FBXO5: variants seen among roughly 807,000 people sequenced by gnomAD.
FBXO5 encodes the protein F-box only protein 5.
Under a neutral mutation model 43.3 loss-of-function variants are expected in FBXO5, and 8 were observed. The observed-to-expected ratio is 0.18, with a 90% CI of 0.11 to 0.33. The LOEUF is 0.33. Among genes scored for constraint, FBXO5 ranks in the 10% least tolerant of loss-of-function variants. The pLI is 1.00. For synonymous variants in FBXO5, 204 were observed against 193.7 expected, an observed-to-expected ratio of 1.05 and a Z score of -0.44; for missense variants, 491 against 535.7, an observed-to-expected ratio of 0.92 and a Z score of 0.82.
At position 152,982,004 on chromosome 6, in the gene FBXO5, T is replaced by C. The variant is rs146242843; in HGVS notation, c.103+853A>G. ...TGAGTTATCGGGAAAAAGTCACCAA[T>C]TCTTCGATTCTTACAAAATCATCTT... On this transcript the variant is annotated intron_variant, in intron 1 of 4. Coordinates refer to ENST00000229758, the MANE Select transcript of FBXO5 (RefSeq NM_012177.5). Among the ~76,000 whole-genome samples the C allele has an allele frequency of 8.1e-3, 1,234 of 152,348 alleles. 16 individuals carry two copies. The highest frequency in any genetic ancestry group is 0.028 in the African/African-American group (1,177 of 41,566).
At chr6:152,979,017 G>C (rs1463087162) in intron 1 of FBXO5, among the ~76,000 whole-genome samples, 1 of 151,786 alleles carries the variant, frequency 6.6e-6, no homozygotes, top group African/African-American at 2.4e-5. Context: ...GAAAAAAAAA[G>C]GTTTAGTATT....
chr6:152,971,433 C>G lies in FBXO5; in HGVS notation c.1093-19G>C, dbSNP rs761134867. On this transcript the variant is annotated intron_variant, in intron 4 of 4. Transcript: ENST00000229758. ...TGGCAACCTAAAAAGAAAAAAAAAA[C>G]CCATTAACAAATTTCAGCAAGAATT... 1 of 1,535,598 alleles carries G rather than the reference C, an allele frequency of 6.5e-7. No homozygotes were observed. Among genetic ancestry groups the G allele is most frequent in the East Asian group, 2.3e-5 (1 of 44,248 alleles).
chr6:152,975,263 A>G lies in FBXO5; in HGVS notation c.462T>C (p.Ser154=), dbSNP rs929918604. The change falls in exon 2 of 5, where the codon AGT becomes AGC. Residue 154 remains serine (S), a synonymous_variant. Coordinates refer to ENST00000229758, the MANE Select transcript of FBXO5 (RefSeq NM_012177.5). ...DSGYSSFSLQ[S]GLSEHEEGSL... is the part of the protein sequence containing the mutation. ...TACCTTCTTCATGTTCACTGAGGCC[A>G]CTTTGTAGAGAAAATGAGGAATAGC... 6.2e-7 allele frequency: 1 copy of G among 1,614,156 alleles called. No homozygotes were observed. The highest frequency in any genetic ancestry group is 8.5e-7 in the Non-Finnish European group (1 of 1,180,016).
chr6:152,979,135 T>C (rs1254046478), intron 1 of FBXO5, among the ~76,000 whole-genome samples: 1 of 152,248 alleles, frequency 6.6e-6, no homozygotes, highest in Non-Finnish European at 1.5e-5. Context: ...GTAATGCATG[T>C]CACAACAAAT....
chr6:152,981,304 A>G lies in FBXO5; in HGVS notation c.103+1553T>C, dbSNP rs117046673. On this transcript the variant is annotated intron_variant, in intron 1 of 4. Transcript: ENST00000229758. Reference sequence around the variant, plus strand: ...GTTTGATCTTACATTTAACTTTTCAATATAGACCTGATCCTCCATATCAAA... The same window carrying G: ...GTTTGATCTTACATTTAACTTTTCAGTATAGACCTGATCCTCCATATCAAA... Among the ~76,000 whole-genome samples, 705 of 152,346 alleles carry G rather than the reference A, an allele frequency of 4.6e-3. 6 individuals are homozygous for G. The highest frequency in any genetic ancestry group is 6.2e-3 in the Non-Finnish European group (420 of 68,024).
chr6:152,975,501 G>C lies in FBXO5; in HGVS notation c.224C>G (p.Thr75Ser). 1 of 1,613,890 alleles carries C rather than the reference G, an allele frequency of 6.2e-7. No individual in the cohort carries two copies. The highest frequency in any genetic ancestry group is 8.5e-7 in the Non-Finnish European group (1 of 1,179,942). Residue 75 changes from threonine to serine, a missense_variant, in exon 2 of 5, where the codon ACC (threonine) becomes AGC (serine). Coordinates refer to ENST00000229758, the MANE Select transcript of FBXO5 (RefSeq NM_012177.5). ...ACAGGAACCTTCCAAATATGCAGGGGTGTAGGAAACTAGTCTTCCAATGTC... is the reference window on the plus strand; with the variant it reads ...ACAGGAACCTTCCAAATATGCAGGGCTGTAGGAAACTAGTCTTCCAATGTC... Reference protein sequence around the residue: ...PDDIGRLVSYTPAYLEGSCKD... With the variant: ...PDDIGRLVSYSPAYLEGSCKD...
In FBXO5 at chr6:152,971,099, TAAG is replaced by T; in HGVS notation, c.*61_*63del. 6.8e-7 allele frequency: 1 copy of T among 1,480,120 alleles called. No individual in the cohort carries two copies. Among genetic ancestry groups the T allele is most frequent in the African/African-American group, 1.4e-5 (1 of 71,086 alleles). The allele number at this position is 1,480,120 out of a possible 1,614,324, so 91.7% of individuals were successfully genotyped here. ...TTGAAAATCACAATACAATTTTTTTTAAGTTAAAACCTAACATTTTCTAACTAA... is the reference window on the plus strand; with the variant it reads ...TTGAAAATCACAATACAATTTTTTTTTTAAAACCTAACATTTTCTAACTAA... On this transcript the variant is annotated 3_prime_UTR_variant, in exon 5 of 5. Coordinates refer to ENST00000229758, the MANE Select transcript of FBXO5 (RefSeq NM_012177.5).
chr6:152,977,853 G>T (rs1014222109), intron 1 of FBXO5, among the ~76,000 whole-genome samples: 1 of 152,100 alleles, frequency 6.6e-6, no homozygotes, highest in Non-Finnish European at 1.5e-5. Flanking sequence ...GTTACTGGGG[G>T]GTTGTCCTAT....
At chr6:152,981,799 G>A (rs1240320768) in intron 1 of FBXO5, among the ~76,000 whole-genome samples, 2 of 151,804 alleles carry the variant, frequency 1.3e-5, no homozygotes, top group Admixed American at 6.6e-5. Flanking sequence ...TTTAATAATA[G>A]AGTCATTACA....
chr6:152,981,578 G>T (rs1425024909), intron 1 of FBXO5, among the ~76,000 whole-genome samples: 1 of 151,446 alleles, frequency 6.6e-6, no homozygotes, highest in Admixed American at 6.6e-5. Context: ...CCTCAAACCT[G>T]TAAACTGGGG....
upstream of FBXO5, chr6:152,983,154 TG>T (rs983624365): frequency 1.5e-5 from 6 of 404,796 alleles, no homozygotes; most frequent in Non-Finnish European, 2.6e-5. Context: ...GGGCAGTGGG[TG>T]GGGGCGCCCT....
In FBXO5 at chr6:152,970,992, A is replaced by C; in HGVS notation, c.*171T>G. 1 of 485,132 alleles carries C rather than the reference A, an allele frequency of 2.1e-6. No homozygotes were observed. The highest frequency in any genetic ancestry group is 3.5e-6 in the Non-Finnish European group (1 of 289,790). The allele number at this position is 485,132 out of a possible 1,614,324, so 30.1% of individuals were successfully genotyped here. On this transcript the variant is annotated 3_prime_UTR_variant, in exon 5 of 5. Transcript: ENST00000229758. ...TAAACTTTTTCTCATTAAATTGTAA[A>C]AATATTTTAAGAGGTTGTCTATCCT...
intron 1 of FBXO5, 150 bp downstream of exon 1, chr6:152,982,707 A>C (rs1778281672): frequency 4.0e-6 from 2 of 503,358 alleles, no homozygotes; most frequent in African/African-American, 2.0e-5. Flanking sequence ...TCCCGGACCC[A>C]GGAACCGCTG....
intron 1 of FBXO5, among the ~76,000 whole-genome samples, chr6:152,977,611 T>C (rs1778194027): frequency 2.6e-5 from 4 of 152,234 alleles, no homozygotes; most frequent in Admixed American, 1.3e-4. Flanking sequence ...CTGAGTGGTT[T>C]AGTTTTATTC....
intron 2 of FBXO5, among the ~76,000 whole-genome samples, 190 bp downstream of exon 2, chr6:152,974,717 T>C (rs1778137026): frequency 6.6e-6 from 1 of 152,220 alleles, no homozygotes; most frequent in African/African-American, 2.4e-5. Flanking sequence ...GATGTTCAAC[T>C]GTTTAACCTG....
Position 152,973,131 on chromosome 6 carries a change from G to C in FBXO5, c.824C>G (p.Ser275Cys). 2 of 1,612,248 alleles carry C rather than the reference G, an allele frequency of 1.2e-6. No individual in the cohort carries two copies. The highest frequency in any genetic ancestry group is 1.7e-6 in the Non-Finnish European group (2 of 1,178,552). Reference protein sequence around the residue: ...QLSDMDLINVSKVSTTWKKIL... With the variant: ...QLSDMDLINVCKVSTTWKKIL... ...CTTCTTCCAAGTTGTGCTCACTTTAGACACACTGGAAAAGTAAATCACCAT... is the reference window on the plus strand; with the variant it reads ...CTTCTTCCAAGTTGTGCTCACTTTACACACACTGGAAAAGTAAATCACCAT... Residue 275 changes from serine (S) to cysteine (C), a missense_variant, in exon 3 of 5, where the codon TCT becomes TGT. Ser to Cys is a moderately radical substitution (Grantham distance 112). Coordinates refer to ENST00000229758, the MANE Select transcript of FBXO5 (RefSeq NM_012177.5).
intron 1 of FBXO5, among the ~76,000 whole-genome samples, chr6:152,981,660 G>GAA (rs374374061): frequency 2.2e-4 from 29 of 132,060 alleles, no homozygotes; most frequent in African/African-American, 7.9e-4. Flanking sequence ...TATCAAAAAA[G>GAA]AAAAAAAAAA....
At chr6:152,976,184 T>C (rs1012962339) in intron 1 of FBXO5, among the ~76,000 whole-genome samples, 5 of 152,204 alleles carry the variant, frequency 3.3e-5, no homozygotes. Context: ...GGGAATAATC[T>C]TGATAAAAAT....
At chr6:152,981,202 C>T (rs1778253332) in intron 1 of FBXO5, among the ~76,000 whole-genome samples, 1 of 152,164 alleles carries the variant, frequency 6.6e-6, no homozygotes, top group Non-Finnish European at 1.5e-5. Context: ...ACTAATAAGA[C>T]TCATACATGG....
Sources: gnomAD v4.1 joint callset for allele counts (sites outside exome capture counted in the v4.1 genomes callset) on GRCh38, gnomAD v4.1.1 for gene constraint, MANE v1.5 for transcripts, NCBI Gene and HGNC (gene_info 2026-07-23, HGNC 2026-07-21) for gene names.